The following FRAS1 variants were observed in gnomAD, a reference collection of about 807,000 sequenced individuals.
FRAS1 encodes extracellular matrix organizing protein FRAS1.
FRAS1 carries 290 observed loss-of-function variants against 435.2 expected under a neutral mutation model. The ratio of observed to expected loss-of-function variants is 0.67; its 90% CI spans 0.61 to 0.73. FRAS1 has a LOEUF of 0.73. Among genes scored for constraint, FRAS1 ranks in the 30% least tolerant of loss-of-function variants. The probability of loss-of-function intolerance (pLI) is 0.00; values close to 1 mark genes in which losing one functional copy is unlikely to be tolerated. For missense variants in FRAS1, 4,860 were observed against 5,001.5 expected (o/e 0.97, Z 0.85); for synonymous variants, 1,800 against 1,851.0 (o/e 0.97, Z 0.71).
rs867312165 is a variant in FRAS1 at position 78,499,900 on chromosome 4, C to T, written c.9295C>T (p.Arg3099Ter). ...TGGTGTGGATTATTACCCAAAGAGC[C>T]GAGTCTTGAAGTTCAGTCCCGGTAA... ...QSGVDYYPKS[R>*]VLKFSPGVDH... Residue 3099 changes from arginine to a stop codon, truncating the protein, a stop_gained, in exon 61 of 74, where the codon CGA becomes TGA. Coordinates refer to ENST00000512123, the MANE Select transcript of FRAS1 (RefSeq NM_025074.7). LOFTEE classifies it high-confidence loss of function. The T allele has an allele frequency of 6.4e-7, 1 of 1,574,662 alleles. No individual in the cohort carries two copies. Among genetic ancestry groups the T allele is most frequent in the Non-Finnish European group, 8.7e-7 (1 of 1,153,294 alleles).
chr4:78,255,077 T>A (rs996156601), intron 5 of FRAS1, among the ~76,000 whole-genome samples, 165 bp from the exon 6 acceptor site: 3 of 152,116 alleles, frequency 2.0e-5, no homozygotes, highest in African/African-American at 7.2e-5. Context: ...AAACACAAAT[T>A]CAGAGATTTC....
intron 58 of FRAS1, among the ~76,000 whole-genome samples, chr4:78,483,780 C>A (rs1185866668): frequency 0.54 from 38,759 of 72,216 alleles, 9,741 homozygotes; most frequent in East Asian, 0.65. Flanking sequence ...CTCTCTCTCT[C>A]TCTATATATA....
intron 14 of FRAS1, among the ~76,000 whole-genome samples, chr4:78,286,956 G>A (rs956050669): frequency 1.3e-5 from 2 of 151,974 alleles, no homozygotes; most frequent in African/African-American, 2.4e-5. Flanking sequence ...TTTTTTAAAT[G>A]CAGAAATGGA....
chr4:78,384,012 A>G lies in FRAS1; in HGVS notation c.3564-47A>G, dbSNP rs758303767. 2.9e-6 allele frequency: 4 copies of G among 1,370,474 alleles called. No homozygotes were observed. In the African/African-American group the frequency reaches 5.8e-5, roughly 20 times the overall value. 84.9% of individuals were successfully genotyped at this position (1,370,474 alleles called of 1,614,324 possible). A position where few individuals can be genotyped will look rare whatever the true frequency, so the allele number is the denominator to read the frequency against. On this transcript the variant is annotated intron_variant, in intron 27 of 73. Transcript: ENST00000512123. Reference sequence around the variant, plus strand: ...TTTAAGCCTTTTCTGTGTAAAGTCTAATGTAATGATTGTATTTTCTTATTC... The same window carrying G: ...TTTAAGCCTTTTCTGTGTAAAGTCTGATGTAATGATTGTATTTTCTTATTC...
At chr4:78,334,766 C>T (rs1327326131) in intron 19 of FRAS1, among the ~76,000 whole-genome samples, 11 of 150,970 alleles carry the variant, frequency 7.3e-5, no homozygotes. Context: ...ATTTCTTTTT[C>T]TTTTTTTTAA....
chr4:78,196,336 T>A (rs1578179598), intron 2 of FRAS1, among the ~76,000 whole-genome samples: 2 of 152,248 alleles, frequency 1.3e-5, no homozygotes, highest in South Asian at 2.1e-4. Context: ...AGATCATATC[T>A]TATTGATTGT....
In FRAS1 at chr4:78,266,949, T is replaced by G; in HGVS notation, c.789+14T>G. ...AGATGCGGAAAGGTATTTGAGAGTG[T>G]GTACCTTACTTGTTTAAGCTCTTTT... is the stretch of plus-strand genomic sequence containing the variant. On this transcript the variant is annotated intron_variant, in intron 8 of 73. Transcript: ENST00000512123. The G allele has an allele frequency of 6.5e-7, 1 of 1,543,042 alleles. No homozygotes were observed. The highest frequency in any genetic ancestry group is 8.9e-7 in the Non-Finnish European group (1 of 1,126,006).
At chr4:78,075,747 G>A (rs1487468867) in intron 2 of FRAS1, among the ~76,000 whole-genome samples, 1 of 152,192 alleles carries the variant, frequency 6.6e-6, no homozygotes, top group Non-Finnish European at 1.5e-5. Context: ...TCGCAATTGA[G>A]AATACTCTTA....
At chr4:78,089,909 C>G (rs1293887850) in intron 2 of FRAS1, among the ~76,000 whole-genome samples, 1 of 152,126 alleles carries the variant, frequency 6.6e-6, no homozygotes. Flanking sequence ...CTCCCTCCTC[C>G]TACCCTCCAT....
chr4:78,292,657 C>T (rs1168035178), intron 14 of FRAS1, among the ~76,000 whole-genome samples: 1 of 152,168 alleles, frequency 6.6e-6, no homozygotes, highest in Non-Finnish European at 1.5e-5. Context: ...TTGACAATGG[C>T]ACCTATGAAA....
chr4:78,422,787 T>C (rs1431021622), intron 34 of FRAS1, among the ~76,000 whole-genome samples: 1 of 152,178 alleles, frequency 6.6e-6, no homozygotes, highest in African/African-American at 2.4e-5. Context: ...ACTGCAGTGA[T>C]GTCAATGGAC....
intron 29 of FRAS1, among the ~76,000 whole-genome samples, chr4:78,388,315 A>G (rs1369271159): frequency 7.3e-6 from 1 of 137,842 alleles, no homozygotes; most frequent in African/African-American, 2.9e-5. Flanking sequence ...ACAGAGAGAG[A>G]CTCCGTCTCA....
chr4:78,283,075 C>A, intron 12 of FRAS1, 108 bp downstream of exon 12: 1 of 820,412 alleles, frequency 1.2e-6, no homozygotes, highest in Non-Finnish European at 1.7e-6. Context: ...TTTAGTTAAC[C>A]AATGGGTTTG....
intron 2 of FRAS1, among the ~76,000 whole-genome samples, chr4:78,113,665 T>G (rs536839410): frequency 2.8e-3 from 426 of 152,342 alleles, no homozygotes; most frequent in South Asian, 0.016. Flanking sequence ...GCCCACTTGT[T>G]GATGGGGTTG....
intron 2 of FRAS1, among the ~76,000 whole-genome samples, chr4:78,088,631 C>A (rs1400785282): frequency 6.6e-6 from 1 of 152,150 alleles, no homozygotes; most frequent in African/African-American, 2.4e-5. Flanking sequence ...TATGAACAGA[C>A]ACTTCTCAAA....
chr4:78,359,061 A>C (rs1730973981), intron 20 of FRAS1, among the ~76,000 whole-genome samples: 1 of 152,208 alleles, frequency 6.6e-6, no homozygotes, highest in African/African-American at 2.4e-5. Flanking sequence ...ATGCTTATTT[A>C]TACTTTGTAA....
chr4:78,102,721 G>T (rs1742195160), intron 2 of FRAS1, among the ~76,000 whole-genome samples: 1 of 152,104 alleles, frequency 6.6e-6, no homozygotes, highest in Non-Finnish European at 1.5e-5. Flanking sequence ...ACATTACTAT[G>T]GGTTTCTCTC....
At chr4:78,528,490 G>A (rs932203031) in intron 70 of FRAS1, among the ~76,000 whole-genome samples, 4 of 152,076 alleles carry the variant, frequency 2.6e-5, no homozygotes, top group Non-Finnish European at 4.4e-5. Context: ...TCTTTTTTTA[G>A]AGTGTTTTAT....
At chr4:78,389,573 T>C (rs556880387) in intron 29 of FRAS1, among the ~76,000 whole-genome samples, 1 of 152,342 alleles carries the variant, frequency 6.6e-6, no homozygotes, top group Non-Finnish European at 1.5e-5. Flanking sequence ...ATCCTAATTA[T>C]CACTCTTGCG....
Sources: gnomAD v4.1 joint callset for allele counts (sites outside exome capture counted in the v4.1 genomes callset) on GRCh38, gnomAD v4.1.1 for gene constraint, MANE v1.5 for transcripts, NCBI Gene and HGNC (gene_info 2026-07-23, HGNC 2026-07-21) for gene names.